The following PCP4L1 variants were observed in gnomAD, a reference collection of about 807,000 sequenced individuals.
PCP4L1 encodes the protein Purkinje cell protein 4-like protein 1.
In PCP4L1, 9 loss-of-function variants were observed where a neutral mutation model predicts 9.6. The ratio of observed to expected loss-of-function variants is 0.94; its 90% CI spans 0.57 to 1.64. PCP4L1 has a LOEUF of 1.64. Ranked by LOEUF, PCP4L1 falls within the 40% of genes most tolerant of loss-of-function variation. PCP4L1 has a pLI of 0.00. For missense variants in PCP4L1, 81 were observed against 80.8 expected (o/e 1.00, Z -0.01); for synonymous variants, 31 against 28.2 (o/e 1.10, Z -0.31).
intron 1 of PCP4L1, among the ~76,000 whole-genome samples, chr1:161,261,478 G>A (rs1026187219): frequency 2.6e-5 from 4 of 152,222 alleles, no homozygotes; most frequent in Non-Finnish European, 5.9e-5. Flanking sequence ...ATTCACAGCT[G>A]CAGGCGGGAC....
chr1:161,260,823 C>T (rs756992933), intron 1 of PCP4L1, among the ~76,000 whole-genome samples: 7 of 152,100 alleles, frequency 4.6e-5, no homozygotes, highest in Non-Finnish European at 8.8e-5. Flanking sequence ...CCAAGTCTGC[C>T]CAGCCTCCTA....
At chr1:161,272,546 G>A (rs1488335768) in intron 1 of PCP4L1, among the ~76,000 whole-genome samples, 3 of 120,944 alleles carry the variant, frequency 2.5e-5, no homozygotes, top group Admixed American at 1.9e-4. Flanking sequence ...CAACAAAAGC[G>A]AAACTCCGTC....
rs766572173 is a variant in PCP4L1, at chr1:161,284,337, A to G, written c.65-2A>G. ...ATTAATGAGTCTCCCAACTATCTGC[A>G]GGAAAAGCTGGCAATGTCAAGAAGG... On this transcript the variant is annotated splice_acceptor_variant, in intron 2 of 2. Coordinates refer to ENST00000504449, the MANE Select transcript of PCP4L1 (RefSeq NM_001102566.2). LOFTEE classifies it high-confidence loss of function. 4 of 1,614,040 alleles carry G rather than the reference A, an allele frequency of 2.5e-6. No homozygotes were observed. The highest frequency in any genetic ancestry group is 3.4e-6 in the Non-Finnish European group (4 of 1,179,898).
intron 1 of PCP4L1, among the ~76,000 whole-genome samples, chr1:161,274,023 G>T (rs1458383176): frequency 6.6e-6 from 1 of 151,992 alleles, no homozygotes; most frequent in Non-Finnish European, 1.5e-5. Context: ...TATGGCTTTG[G>T]GCAAGATAAC....
chr1:161,262,623 A>G (rs913310688), intron 1 of PCP4L1, among the ~76,000 whole-genome samples: 9 of 152,042 alleles, frequency 5.9e-5, no homozygotes, highest in Non-Finnish European at 1.2e-4. Flanking sequence ...GGAAATATGG[A>G]TGATTCTTTC....
chr1:161,284,496 C>T lies in PCP4L1; in HGVS notation c.*15C>T, dbSNP rs1488045130. The T allele has an allele frequency of 3.7e-6, 6 of 1,606,196 alleles. No individual in the cohort carries two copies. Among genetic ancestry groups the T allele is most frequent in the South Asian group, 1.1e-5 (1 of 89,912 alleles). The stretch of plus-strand genomic sequence containing the variant: ...CCAGCTCCTGAATGGCCAGGCTTGC[C>T]CTTCACCTTCACCTTCATGCTGGTC... On this transcript the variant is annotated 3_prime_UTR_variant, in exon 3 of 3. Transcript: ENST00000504449.
intron 1 of PCP4L1, among the ~76,000 whole-genome samples, chr1:161,275,778 C>G (rs1669689341): frequency 6.6e-6 from 1 of 151,230 alleles, no homozygotes; most frequent in Non-Finnish European, 1.5e-5. Flanking sequence ...TAACTGCATA[C>G]TCCATCTAGG....
chr1:161,260,403 C>G (rs1224538324), intron 1 of PCP4L1, among the ~76,000 whole-genome samples: 1 of 152,252 alleles, frequency 6.6e-6, no homozygotes, highest in Non-Finnish European at 1.5e-5. Flanking sequence ...CATCAACCTC[C>G]TCTTTCACCT....
At chr1:161,263,563 A>G (rs1369641332) in intron 1 of PCP4L1, among the ~76,000 whole-genome samples, 3 of 149,860 alleles carry the variant, frequency 2.0e-5, no homozygotes, top group African/African-American at 7.4e-5. Flanking sequence ...TAGCATGTAA[A>G]CTTTTAATGA....
intron 1 of PCP4L1, among the ~76,000 whole-genome samples, chr1:161,280,830 C>CT (rs1000708760): frequency 6.6e-5 from 10 of 151,480 alleles, no homozygotes; most frequent in East Asian, 3.9e-4. Flanking sequence ...TTCTACAATT[C>CT]TTTTTTTTTA....
At chr1:161,268,551 C>CTTTTT (rs10654377) in intron 1 of PCP4L1, among the ~76,000 whole-genome samples, 1,583 of 113,998 alleles carry the variant, frequency 0.014, 77 homozygotes, top group African/African-American at 0.022. Flanking sequence ...TTCCTTTTAC[C>CTTTTT]TTTTTTTTTT....
intron 1 of PCP4L1, among the ~76,000 whole-genome samples, chr1:161,260,477 T>C (rs879340321): frequency 5.3e-5 from 8 of 152,216 alleles, no homozygotes; most frequent in Admixed American, 1.3e-4. Context: ...ATACTACTCC[T>C]CCCACCCCGA....
rs139579438 is a variant in PCP4L1 at position 161,269,453 on chromosome 1, A to G, written c.9+10470A>G. On this transcript the variant is annotated intron_variant, in intron 1 of 2. Coordinates refer to ENST00000504449, the MANE Select transcript of PCP4L1 (RefSeq NM_001102566.2). ...ATGGAGGCCTTCAACTTCTGAAAAC[A>G]AATTTGATTTCAGAAGTTTAGATGA... Among the ~76,000 whole-genome samples, 289 of 152,328 alleles carry G rather than the reference A, an allele frequency of 1.9e-3. 1 individual carries two copies. The highest frequency in any genetic ancestry group is 6.6e-3 in the African/African-American group (276 of 41,576).
rs115959150 is a variant in PCP4L1 at position 161,279,352 on chromosome 1, C to T, written c.10-4316C>T. The stretch of plus-strand genomic sequence containing the variant: ...TTTCTTTTGCTCACTGCTGTATGCC[C>T]AACACCTAGAACAATACTTGCCATG... On this transcript the variant is annotated intron_variant, in intron 1 of 2. Coordinates refer to ENST00000504449, the MANE Select transcript of PCP4L1 (RefSeq NM_001102566.2). Among the ~76,000 whole-genome samples, 619 of 152,266 alleles carry T rather than the reference C, an allele frequency of 4.1e-3. 4 individuals carry two copies. Among genetic ancestry groups the T allele is most frequent in the African/African-American group, 0.014 (597 of 41,556 alleles).
At chr1:161,283,151 C>G (rs1036440218) in intron 1 of PCP4L1, among the ~76,000 whole-genome samples, 2 of 152,154 alleles carry the variant, frequency 1.3e-5, no homozygotes, top group African/African-American at 4.8e-5. Flanking sequence ...CACTGGTCTG[C>G]TATTCCTCAG....
rs1669883738 is a variant in PCP4L1 at position 161,284,943 on chromosome 1, T to G, written c.*462T>G. The G allele has an allele frequency of 6.1e-6, 1 of 162,712 alleles. No individual in the cohort carries two copies. The highest frequency in any genetic ancestry group is 1.4e-5 in the Non-Finnish European group (1 of 73,876). 10.1% of individuals were successfully genotyped at this position (162,712 alleles called of 1,614,324 possible). ...CTTCTGCACCAACTCCAACTTCCCC[T>G]CCCAGGATCTAAGCCACAGTGGGGA... On this transcript the variant is annotated 3_prime_UTR_variant, in exon 3 of 3. Coordinates refer to ENST00000504449, the MANE Select transcript of PCP4L1 (RefSeq NM_001102566.2).
intron 1 of PCP4L1, among the ~76,000 whole-genome samples, chr1:161,279,829 G>A (rs1237138835): frequency 6.6e-6 from 1 of 152,094 alleles, no homozygotes; most frequent in Non-Finnish European, 1.5e-5. Flanking sequence ...TTTGAGGAAG[G>A]GGAATTACTA....
At position 161,265,526 on chromosome 1, in the gene PCP4L1, G is replaced by GA. The variant is rs562665521; in HGVS notation, c.9+6551dup. On this transcript the variant is annotated intron_variant, in intron 1 of 2. Coordinates refer to ENST00000504449, the MANE Select transcript of PCP4L1 (RefSeq NM_001102566.2). ...CAACAGAGCACGACCCTGTCTCAGG[G>GA]AAAAAAAAGCAAGAAGATGGGGAAG... 4.1e-3 allele frequency among the ~76,000 whole-genome samples: 616 copies of GA among 151,404 alleles called. 4 individuals carry two copies. Among genetic ancestry groups the GA allele is most frequent in the African/African-American group, 0.014 (583 of 41,276 alleles).
At chr1:161,259,101 G>A (rs1352978839) in intron 1 of PCP4L1, 118 bp downstream of exon 1, 18 of 1,393,666 alleles carry the variant, frequency 1.3e-5, no homozygotes, top group Non-Finnish European at 1.6e-5. Flanking sequence ...GAACCCTCCA[G>A]GGGCGCCCCA....
Sources: gnomAD v4.1 joint callset for allele counts (sites outside exome capture counted in the v4.1 genomes callset) on GRCh38, gnomAD v4.1.1 for gene constraint, MANE v1.5 for transcripts, NCBI Gene and HGNC (gene_info 2026-07-23, HGNC 2026-07-21) for gene names.